The following NRXN1 variants were observed in gnomAD, a reference collection of about 807,000 sequenced individuals.
NRXN1 encodes neurexin-1.
Under a neutral mutation model 150.9 loss-of-function variants are expected in NRXN1, and 39 were observed. The ratio of observed to expected loss-of-function variants is 0.26; its 90% CI spans 0.20 to 0.34. The LOEUF is 0.34. Ranked by LOEUF, NRXN1 falls within the 10% of genes least tolerant of loss-of-function variation. The pLI is 1.00. For missense variants in NRXN1, 1,815 were observed against 1,949.9 expected, an observed-to-expected ratio of 0.93 and a Z score of 1.30; for synonymous variants, 924 against 757.0, an observed-to-expected ratio of 1.22 and a Z score of -3.62.
intron 2 of NRXN1, among the ~76,000 whole-genome samples, chr2:51,011,843 C>A (rs572778115): frequency 2.6e-5 from 4 of 151,880 alleles, no homozygotes; most frequent in Non-Finnish European, 5.9e-5. Flanking sequence ...TGAAAGGGGA[C>A]AAAAGGAGCA....
intron 22 of NRXN1, among the ~76,000 whole-genome samples, chr2:49,922,581 T>G (rs1371830585): frequency 6.6e-6 from 1 of 152,036 alleles, no homozygotes; most frequent in South Asian, 2.1e-4. Flanking sequence ...AAACCCAGCA[T>G]AAAGAAAAGC....
chr2:49,934,116 A>G (rs915815835), intron 22 of NRXN1, among the ~76,000 whole-genome samples: 3 of 152,182 alleles, frequency 2.0e-5, no homozygotes, highest in African/African-American at 7.2e-5. Context: ...TCAAAATTTT[A>G]TTATGATATT....
intron 15 of NRXN1, among the ~76,000 whole-genome samples, chr2:50,487,789 C>A (rs765427119): frequency 6.6e-6 from 1 of 152,134 alleles, no homozygotes; most frequent in Non-Finnish European, 1.5e-5. Context: ...GTAACATTGC[C>A]CAGATGTCAG....
chr2:50,112,310 T>C (rs1034830170), intron 18 of NRXN1, among the ~76,000 whole-genome samples: 2 of 152,196 alleles, frequency 1.3e-5, no homozygotes, highest in African/African-American at 4.8e-5. Flanking sequence ...TGCTACTGTA[T>C]CACTATGCTT....
intron 17 of NRXN1, among the ~76,000 whole-genome samples, chr2:50,309,072 A>C (rs2074927039): frequency 2.0e-5 from 3 of 152,308 alleles, no homozygotes; most frequent in Admixed American, 2.0e-4. Flanking sequence ...GAATGCAAAG[A>C]CAAGTATTTT....
intron 21 of NRXN1, among the ~76,000 whole-genome samples, chr2:49,965,796 C>CCACTT (rs1403679877): frequency 6.6e-6 from 1 of 152,132 alleles, no homozygotes; most frequent in Non-Finnish European, 1.5e-5. Context: ...ACTTTCCTTC[C>CCACTT]CACTTCATTA....
chr2:50,096,982 T>C (rs1165672484), intron 18 of NRXN1, among the ~76,000 whole-genome samples: 3 of 152,214 alleles, frequency 2.0e-5, no homozygotes, highest in Non-Finnish European at 4.4e-5. Flanking sequence ...ATGTTACAGA[T>C]GCATATATAA....
intron 5 of NRXN1, chr2:50,632,199 C>A (rs190446667): frequency 2.5e-4 from 38 of 152,062 alleles, no homozygotes; most frequent in African/African-American, 8.7e-4. Flanking sequence ...TTTAACCAAA[C>A]CCCAAAGAAT....
chr2:50,947,602 A>T (rs941012041), intron 2 of NRXN1, among the ~76,000 whole-genome samples: 3 of 151,978 alleles, frequency 2.0e-5, no homozygotes, highest in African/African-American at 7.2e-5. Context: ...TAGAGCTTAG[A>T]TTATATTCTA....
intron 17 of NRXN1, among the ~76,000 whole-genome samples, chr2:50,369,035 T>C (rs905746819): frequency 1.9e-4 from 29 of 151,954 alleles, no homozygotes; most frequent in African/African-American, 7.0e-4. Flanking sequence ...GAGCAAAACA[T>C]CGACATTGTG....
At chr2:50,692,791 A>C (rs1692257506) in intron 5 of NRXN1, among the ~76,000 whole-genome samples, 1 of 152,056 alleles carries the variant, frequency 6.6e-6, no homozygotes, top group South Asian at 2.1e-4. Context: ...TGTTCTTGTC[A>C]GCTTTTTCAT....
At chr2:50,707,567 T>G (rs2105014225) in intron 5 of NRXN1, among the ~76,000 whole-genome samples, 1 of 152,288 alleles carries the variant, frequency 6.6e-6, no homozygotes, top group South Asian at 2.1e-4. Context: ...ATTTCAAAAC[T>G]TGAGCTCAAA....
At chr2:50,365,557 G>A (rs1379972346) in intron 17 of NRXN1, among the ~76,000 whole-genome samples, 4 of 151,916 alleles carry the variant, frequency 2.6e-5, no homozygotes, top group Non-Finnish European at 4.4e-5. Flanking sequence ...AGTCTTCATA[G>A]CTAAATAATA....
In NRXN1 at chr2:51,002,302, CACTAAAAACT is replaced by C. The variant is rs539630820; in HGVS notation, c.772+25190_772+25199del. Among the ~76,000 whole-genome samples the C allele has an allele frequency of 2.1e-4, 32 of 152,050 alleles. No homozygotes were observed. The South Asian group carries it at 6.4e-3, about 31-fold the overall frequency. On this transcript the variant is annotated intron_variant, in intron 2 of 22. Transcript: ENST00000401669. ...TTCCTAAGTGTTCTCTGACACAATA[CACTAAAAACT>C]ACTTTATGACACAACCAGAAGCACT... is the stretch of plus-strand genomic sequence containing the variant.
Position 50,346,872 on chromosome 2 carries a change from G to A in NRXN1, c.3365-109902C>T, listed in dbSNP as rs113067443. ...AAAGCAGGGCCAGGCGCCCCCCTGC[G>A]CCGCCGCCGCCGCCGCCGCCGCCGC... On this transcript the variant is annotated intron_variant, in intron 17 of 22. Transcript: ENST00000401669. The surrounding 1 kb of genome is among the most constrained non-coding windows in gnomAD (Gnocchi z 5.0). The A allele has an allele frequency of 1.4e-5, 17 of 1,242,596 alleles. No individual in the cohort carries two copies. The African/African-American group carries it at 2.1e-4, about 16-fold the overall frequency. 77.0% of individuals were successfully genotyped at this position (1,242,596 alleles called of 1,614,324 possible).
At chr2:50,084,258 G>GC (rs968409185) in intron 19 of NRXN1, among the ~76,000 whole-genome samples, 6 of 152,210 alleles carry the variant, frequency 3.9e-5, no homozygotes, top group African/African-American at 1.4e-4. Context: ...GAGACTGGGT[G>GC]CCGCGGAGCA....
At chr2:50,022,173 G>A (rs193209599) in intron 21 of NRXN1, among the ~76,000 whole-genome samples, 66 of 151,926 alleles carry the variant, frequency 4.3e-4, no homozygotes, top group African/African-American at 1.4e-3. Flanking sequence ...TAGTAGAGAC[G>A]AGATTTCACC....
At chr2:50,528,293 C>T (rs1477400428) in intron 12 of NRXN1, among the ~76,000 whole-genome samples, 1 of 151,830 alleles carries the variant, frequency 6.6e-6, no homozygotes, top group African/African-American at 2.4e-5. Flanking sequence ...ATAAGACCCA[C>T]AATATTTTCT....
intron 13 of NRXN1, among the ~76,000 whole-genome samples, chr2:50,503,924 T>C (rs749717771): frequency 1.4e-4 from 21 of 152,064 alleles, no homozygotes; most frequent in Non-Finnish European, 2.1e-4. Context: ...GATGGGATAC[T>C]GTATAGAGGC....
Sources: gnomAD v4.1 joint callset for allele counts (sites outside exome capture counted in the v4.1 genomes callset) on GRCh38, gnomAD v4.1.1 for gene constraint, Gnocchi (gnomAD v3.1) non-coding constraint, MANE v1.5 for transcripts, NCBI Gene and HGNC (gene_info 2026-07-23, HGNC 2026-07-21) for gene names.